PCDH11X: variants seen among roughly 807,000 people sequenced by gnomAD.
The protein encoded by PCDH11X is protocadherin-11 X-linked.
A neutral mutation model predicts 53.3 loss-of-function variants in PCDH11X; 18 were observed. That is an observed-to-expected ratio of 0.34 (90% CI 0.23 to 0.50). The LOEUF (loss-of-function observed/expected upper bound fraction) is 0.50. Among genes scored for constraint, PCDH11X ranks in the 20% least tolerant of loss-of-function variants. PCDH11X has a pLI of 0.98. For synonymous variants in PCDH11X, 279 were observed against 393.3 expected (o/e 0.71, Z 3.44); for missense variants, 570 against 1,032.4 (o/e 0.55, Z 6.14).
At chrX:91,993,583 C>G (rs1479290208) in intron 6 of PCDH11X, among the ~76,000 whole-genome samples, 2 of 111,271 alleles carry the variant, frequency 1.8e-5, no homozygotes, top group African/African-American at 6.5e-5. Context: ...TCATGTTAGA[C>G]TCTTGGCTTT....
intron 9 of PCDH11X, chrX:92,459,530 GAAACACCATTTACAATAGCTAAAAATA>G (rs917640719): frequency 5.9e-6 from 2 of 338,962 alleles, no homozygotes; most frequent in Non-Finnish European, 1.0e-5. Flanking sequence ...AACCAAAAAA[GAAACACCATTTACAATAGCTAAAAATA>G]AAACAAAGTA....
At chrX:92,503,509 A>G (rs1324105206) in intron 10 of PCDH11X, among the ~76,000 whole-genome samples, 1 of 99,403 alleles carries the variant, frequency 1.0e-5, no homozygotes, top group Non-Finnish European at 2.0e-5. Context: ...GATAAAGAAA[A>G]TGTGGTACAT....
At chrX:92,394,087 T>A (rs1442245099) in intron 9 of PCDH11X, among the ~76,000 whole-genome samples, 2 of 111,076 alleles carry the variant, frequency 1.8e-5, no homozygotes, top group Non-Finnish European at 3.8e-5. Context: ...GAAAAATGAC[T>A]GCTAATTTGG....
intron 1 of PCDH11X, among the ~76,000 whole-genome samples, chrX:91,797,641 T>G (rs1335179805): frequency 9.1e-6 from 1 of 110,113 alleles, no homozygotes; most frequent in Non-Finnish European, 1.9e-5. Context: ...ATAATACATC[T>G]AGTTGAATCA....
intron 9 of PCDH11X, among the ~76,000 whole-genome samples, chrX:92,447,771 AC>A (rs1379566159): frequency 8.9e-6 from 1 of 112,603 alleles, no homozygotes; most frequent in East Asian, 2.8e-4. Context: ...AGATCCACTG[AC>A]AGCTTGCACT....
In PCDH11X at chrX:92,061,922, A is replaced by G. The variant is rs1489994096; in HGVS notation, c.3034-139453A>G. Among the ~76,000 whole-genome samples, 4 of 111,723 alleles carry G rather than the reference A, an allele frequency of 3.6e-5. 1 individual carries two copies. The East Asian group carries it at 1.1e-3, about 31-fold the overall frequency. Reference sequence around the variant, plus strand: ...ATTGCTTTGGGCAGTATGGCCATTTAACAATATTGATCCTTCTTATCCATG... The same window carrying G: ...ATTGCTTTGGGCAGTATGGCCATTTGACAATATTGATCCTTCTTATCCATG... On this transcript the variant is annotated intron_variant, in intron 6 of 10. Transcript: ENST00000682573.
chrX:91,920,348 A>G (rs1427712959), intron 6 of PCDH11X, among the ~76,000 whole-genome samples: 1 of 109,988 alleles, frequency 9.1e-6, no homozygotes, highest in Non-Finnish European at 1.9e-5. Context: ...ATACTGTTCC[A>G]GAAGCATTTT....
chrX:91,961,492 T>C (rs1464813440), intron 6 of PCDH11X, among the ~76,000 whole-genome samples: 2 of 110,683 alleles, frequency 1.8e-5, no homozygotes, highest in Non-Finnish European at 3.8e-5. Flanking sequence ...GCTTCCAAAT[T>C]GAAAAGAAGA....
At chrX:92,124,388 A>C (rs562580899) in intron 6 of PCDH11X, among the ~76,000 whole-genome samples, 1 of 109,847 alleles carries the variant, frequency 9.1e-6, no homozygotes, top group South Asian at 4.0e-4. Context: ...TCTACTAAAA[A>C]TACAAAATTA....
intron 6 of PCDH11X, among the ~76,000 whole-genome samples, chrX:92,053,869 A>G (rs968125718): frequency 7.2e-5 from 8 of 111,610 alleles, no homozygotes; most frequent in Middle Eastern, 4.6e-3. Context: ...GCATCTGTCC[A>G]AGTCTGGTAT....
At chrX:91,984,902 C>CTT (rs1357272159) in intron 6 of PCDH11X, among the ~76,000 whole-genome samples, 4 of 111,208 alleles carry the variant, frequency 3.6e-5, no homozygotes, top group Non-Finnish European at 7.5e-5. Context: ...AACCTAAGAC[C>CTT]TTAGCCTTGT....
At chrX:92,193,173 C>G (rs968429050) in intron 6 of PCDH11X, among the ~76,000 whole-genome samples, 1 of 111,732 alleles carries the variant, frequency 8.9e-6, no homozygotes, top group Non-Finnish European at 1.9e-5. Context: ...AAAAGACTTC[C>G]TGCAAGCAAA....
chrX:92,040,748 G>T (rs1238835473), intron 6 of PCDH11X, among the ~76,000 whole-genome samples: 3 of 107,648 alleles, frequency 2.8e-5, no homozygotes, highest in Non-Finnish European at 5.8e-5. Flanking sequence ...GGAGGCTTCT[G>T]GTTGGCCATT....
intron 8 of PCDH11X, among the ~76,000 whole-genome samples, chrX:92,377,820 G>A (rs1356628761): frequency 2.9e-5 from 3 of 102,051 alleles, no homozygotes; most frequent in African/African-American, 1.1e-4. Flanking sequence ...ACTAATTAAA[G>A]TGAATTAAAA....
At chrX:92,337,500 A>G (rs977898686) in intron 8 of PCDH11X, among the ~76,000 whole-genome samples, 46 of 110,872 alleles carry the variant, frequency 4.1e-4, no homozygotes, top group Non-Finnish European at 8.1e-4. Context: ...GGATGTACTC[A>G]TTGTTCTTGG....
chrX:92,448,156 T>C (rs1255251876), intron 9 of PCDH11X, among the ~76,000 whole-genome samples: 3 of 104,103 alleles, frequency 2.9e-5, no homozygotes, highest in African/African-American at 7.0e-5. Context: ...GATGTTGGAC[T>C]GTGGACTTTT....
At chrX:92,297,397 A>G (rs1055970141) in intron 8 of PCDH11X, among the ~76,000 whole-genome samples, 2 of 108,096 alleles carry the variant, frequency 1.9e-5, no homozygotes, top group Non-Finnish European at 3.8e-5. Flanking sequence ...TATTTATTGA[A>G]TAGAGAGTCC....
In PCDH11X at chrX:92,304,685, G is replaced by A. The variant is rs764643564; in HGVS notation, c.3144+41542G>A. The stretch of plus-strand genomic sequence containing the variant: ...CAGGGACATTAAGTAATATTCCCTG[G>A]CTCAGAAAATATCTTATTGTCTAAA... On this transcript the variant is annotated intron_variant, in intron 8 of 10. Transcript: ENST00000682573. Among the ~76,000 whole-genome samples, 3 of 111,556 alleles carry A rather than the reference G, an allele frequency of 2.7e-5. No individual in the cohort carries two copies. In the South Asian group the frequency reaches 1.1e-3, roughly 42 times the overall value.
intron 6 of PCDH11X, among the ~76,000 whole-genome samples, chrX:91,970,235 C>T (rs753305771): frequency 6.3e-5 from 7 of 111,429 alleles, no homozygotes; most frequent in East Asian, 2.9e-4. Context: ...AAGAACAAAG[C>T]TTCCACCACG....
Sources: allele counts gnomAD v4.1 joint callset (sites outside exome capture counted in the v4.1 genomes callset), GRCh38; gene constraint gnomAD v4.1.1; transcripts MANE v1.5; gene names NCBI Gene and HGNC (gene_info 2026-07-23, HGNC 2026-07-21).